SOWAHA: variants seen among roughly 807,000 people sequenced by gnomAD.
SOWAHA encodes ankyrin repeat domain-containing protein SOWAHA.
In SOWAHA, 17 loss-of-function variants were observed where a neutral mutation model predicts 21.1. That is an observed-to-expected ratio of 0.80 (90% CI 0.55 to 1.21). The LOEUF (loss-of-function observed/expected upper bound fraction) is 1.21, where lower values mean the gene tolerates loss of function less well. SOWAHA is among the 50% of genes most tolerant of loss of function. The probability of loss-of-function intolerance (pLI) is 0.00; values close to 1 mark genes in which losing one functional copy is unlikely to be tolerated. For missense variants in SOWAHA, 862 were observed against 816.0 expected, an observed-to-expected ratio of 1.06 and a Z score of -0.69; for synonymous variants, 422 against 397.1, an observed-to-expected ratio of 1.06 and a Z score of -0.75.
In SOWAHA at chr5:132,815,830, T is replaced by C. The variant is rs1273006805; in HGVS notation, c.*559T>C. 1 of 166,780 alleles carries C rather than the reference T, an allele frequency of 6.0e-6. No individual in the cohort carries two copies. Among genetic ancestry groups the C allele is most frequent in the East Asian group, 1.9e-4 (1 of 5,208 alleles). The allele number at this position is 166,780 out of a possible 1,614,324, so 10.3% of individuals were successfully genotyped here. A position where few individuals can be genotyped will look rare whatever the true frequency, so the allele number is the denominator to read the frequency against. ...TCAATTTTTTTTTTGCTAAATACTT[T>C]GGAATTCTATTTAAAAAATAGATGA... On this transcript the variant is annotated 3_prime_UTR_variant, in exon 1 of 1. Transcript: ENST00000378693.
rs202002110 is a variant in SOWAHA at position 132,815,121 on chromosome 5, C to T, written c.1500C>T (p.Ser500=). ...TGGCCCGAGGCTTGAAGAAGTCGAG[C>T]TCCTTCAGCAAGTTCTTGAGCGCCT... The part of the protein sequence containing the change: ...QDLARGLKKS[S]SFSKFLSASP... Residue 500 remains serine, a synonymous_variant, in exon 1 of 1, where the codon AGC becomes AGT. Transcript: ENST00000378693. The T allele has an allele frequency of 2.7e-5, 44 of 1,614,046 alleles. No homozygotes were observed. In the East Asian group the frequency reaches 9.1e-4, roughly 34 times the overall value.
rs371231981 is a variant in SOWAHA at position 132,814,728 on chromosome 5, G to T, written c.1107G>T (p.Ala369=). 720 of 1,514,614 alleles carry T rather than the reference G, an allele frequency of 4.8e-4. 1 individual carries two copies. In the Middle Eastern group the frequency reaches 5.4e-3, roughly 11 times the overall value. 93.8% of individuals were successfully genotyped at this position (1,514,614 alleles called of 1,614,324 possible). Residue 369 remains alanine, a synonymous_variant, in exon 1 of 1, where the codon GCG becomes GCT. Coordinates refer to ENST00000378693, the MANE Select transcript of SOWAHA (RefSeq NM_175873.6). ...TGGCGCTGCAGCTGGTGGAGGTCGC[G>T]CGGCGCAGTGGCGCACCAGTCGACG... ...GEMALQLVEV[A]RRSGAPVDVN...
Position 132,815,291 on chromosome 5 carries a change from C to G in SOWAHA, c.*20C>G. 6.3e-7 allele frequency: 1 copy of G among 1,592,576 alleles called. No homozygotes were observed. The highest frequency in any genetic ancestry group is 1.1e-5 in the South Asian group (1 of 88,452). On this transcript the variant is annotated 3_prime_UTR_variant, in exon 1 of 1. Coordinates refer to ENST00000378693, the MANE Select transcript of SOWAHA (RefSeq NM_175873.6). ...ACCTGAAGGTCCCTGGGGCTACCAC[C>G]TGGTTGATCTATCGTGGCCTGCTCG...
chr5:132,813,903 C>T lies in SOWAHA; in HGVS notation c.282C>T (p.Gly94=), dbSNP rs1298816063. 3 of 1,547,244 alleles carry T rather than the reference C, an allele frequency of 1.9e-6. No individual in the cohort carries two copies. Among genetic ancestry groups the T allele is most frequent in the Admixed American group, 2.0e-5 (1 of 50,878 alleles). Reference sequence around the variant, plus strand: ...CGGAGCCCGAGCCCGCACCCTTCGGCCCCCCGGGGGCAGCGGCCCAGCCGT... The same window carrying T: ...CGGAGCCCGAGCCCGCACCCTTCGGTCCCCCGGGGGCAGCGGCCCAGCCGT... The part of the protein sequence containing the change: ...RPPEPEPAPF[G]PPGAAAQPSK... Residue 94 remains glycine (G), a synonymous_variant, in exon 1 of 1, where the codon GGC becomes GGT. Coordinates refer to ENST00000378693, the MANE Select transcript of SOWAHA (RefSeq NM_175873.6).
chr5:132,814,807 G>C lies in SOWAHA; in HGVS notation c.1186G>C (p.Gly396Arg). Reference protein sequence around the residue: ...YTPLHLAALHGHEDAAVLLVV... With the variant: ...YTPLHLAALHRHEDAAVLLVV... ...GCCGCTGCACCTGGCTGCACTGCAC[G>C]GCCACGAGGACGCTGCCGTGCTGCT... is the stretch of plus-strand genomic sequence containing the variant. The change falls in exon 1 of 1, where the codon GGC becomes CGC. Residue 396 changes from glycine (G) to arginine (R), a missense_variant. By Grantham distance (125) the Gly-to-Arg change is moderately radical (BLOSUM62 -2). Coordinates refer to ENST00000378693, the MANE Select transcript of SOWAHA (RefSeq NM_175873.6). The C allele has an allele frequency of 6.6e-7, 1 of 1,524,154 alleles. No individual in the cohort carries two copies. The highest frequency in any genetic ancestry group is 8.8e-7 in the Non-Finnish European group (1 of 1,137,660). The allele number at this position is 1,524,154 out of a possible 1,614,324, so 94.4% of individuals were successfully genotyped here. A position where few individuals can be genotyped will look rare whatever the true frequency, so the allele number is the denominator to read the frequency against.
Position 132,813,892 on chromosome 5 carries a change from G to T in SOWAHA, c.271G>T (p.Ala91Ser). The change falls in exon 1 of 1, where the codon GCA (alanine) becomes TCA (serine). Residue 91 changes from alanine to serine, a missense_variant. By Grantham distance (99) the Ala-to-Ser change is moderately conservative. Transcript: ENST00000378693. ...GCCCCGGCCCCCGGAGCCCGAGCCC[G>T]CACCCTTCGGCCCCCCGGGGGCAGC... ...KKPRPPEPEP[A>S]PFGPPGAAAQ... is the part of the protein sequence containing the mutation. 5 of 1,547,498 alleles carry T rather than the reference G, an allele frequency of 3.2e-6. No individual in the cohort carries two copies. The highest frequency in any genetic ancestry group is 2.5e-5 in the East Asian group (1 of 40,686).
In SOWAHA at chr5:132,814,040, A is replaced by T; in HGVS notation, c.419A>T (p.Glu140Val). ...CCAGGGGACCTGGGTCTGCCAACAG[A>T]GCCACAGGACACCCCGGGGGGGCCG... Reference protein sequence around the residue: ...EPPGDLGLPTEPQDTPGGPAS... With the variant: ...EPPGDLGLPTVPQDTPGGPAS... The change falls in exon 1 of 1, where the codon GAG (glutamate) becomes GTG (valine). Residue 140 changes from glutamate (E) to valine (V), a missense_variant. By Grantham distance (121) the Glu-to-Val change is moderately radical. Transcript: ENST00000378693. 6.4e-7 allele frequency: 1 copy of T among 1,555,928 alleles called. No homozygotes were observed.
Position 132,813,533 on chromosome 5 carries a change from C to G in SOWAHA, c.-89C>G, listed in dbSNP as rs977214518. ...CCGCGGGGAAGGCACCAGGTGAGCG[C>G]GGCCGCGCCTCCCGGAACCCCGCTC... On this transcript the variant is annotated 5_prime_UTR_variant, in exon 1 of 1. Transcript: ENST00000378693. 9.6e-5 allele frequency: 88 copies of G among 912,584 alleles called. No homozygotes were observed. Among genetic ancestry groups the G allele is most frequent in the Non-Finnish European group, 1.2e-4 (87 of 738,368 alleles). The allele number at this position is 912,584 out of a possible 1,614,324, so 56.5% of individuals were successfully genotyped here.
rs1003273589 is a variant in SOWAHA, at chr5:132,813,416, C to A, written c.-206C>A. The stretch of plus-strand genomic sequence containing the variant: ...CGGCGGGGCGCTGGGGGTGGGCGCT[C>A]CCCGCGGCCCCCGGCGCCCTTCGCC... On this transcript the variant is annotated 5_prime_UTR_variant, in exon 1 of 1. Transcript: ENST00000378693. 5.3e-5 allele frequency among the ~76,000 whole-genome samples: 8 copies of A among 151,626 alleles called. No individual in the cohort carries two copies. The highest frequency in any genetic ancestry group is 1.9e-4 in the African/African-American group (8 of 41,356).
chr5:132,814,086 G>T lies in SOWAHA; in HGVS notation c.465G>T (p.Pro155=). The T allele has an allele frequency of 6.3e-7, 1 of 1,587,318 alleles. No individual in the cohort carries two copies. Among genetic ancestry groups the T allele is most frequent in the South Asian group, 1.1e-5 (1 of 88,466 alleles). The part of the protein sequence containing the change: ...PGGPASEPAQ[P]PGERSADPPL... ...GGCCGGCCTCCGAGCCCGCTCAGCCGCCCGGGGAGCGGTCCGCCGACCCAC... is the reference window on the plus strand; with the variant it reads ...GGCCGGCCTCCGAGCCCGCTCAGCCTCCCGGGGAGCGGTCCGCCGACCCAC... The change falls in exon 1 of 1, where the codon CCG becomes CCT. Residue 155 remains proline, a synonymous_variant. Coordinates refer to ENST00000378693, the MANE Select transcript of SOWAHA (RefSeq NM_175873.6).
At position 132,816,344 on chromosome 5, in the gene SOWAHA, G is replaced by C; in HGVS notation, c.*1073G>C. The C allele has an allele frequency of 6.0e-6, 1 of 167,192 alleles. No homozygotes were observed. The allele number at this position is 167,192 out of a possible 1,614,324, so 10.4% of individuals were successfully genotyped here. ...AGCAACTATTTTATATGACTGTTCT[G>C]TACAAACAAAAAGTATGTAATACCC... On this transcript the variant is annotated 3_prime_UTR_variant, in exon 1 of 1. Transcript: ENST00000378693.
chr5:132,814,864 C>CAG lies in SOWAHA; in HGVS notation c.1243_1244insAG (p.Arg415GlnfsTer83). On this transcript the variant is annotated frameshift_variant, in exon 1 of 1. Transcript: ENST00000378693. LOFTEE classifies it high-confidence loss of function. ...GCGTCTGGGTGCCCAGGTGCACGTG[C>CAG]GTGATCACAGCGGGCGTCGCGCCTA... 6.6e-7 allele frequency: 1 copy of CAG among 1,526,056 alleles called. No individual in the cohort carries two copies. Among genetic ancestry groups the CAG allele is most frequent in the Middle Eastern group, 1.8e-4 (1 of 5,522 alleles). The allele number at this position is 1,526,056 out of a possible 1,614,324, so 94.5% of individuals were successfully genotyped here.
chr5:132,814,967 C>A lies in SOWAHA; in HGVS notation c.1346C>A (p.Pro449Gln), dbSNP rs866802069. ...GDPGLRGTTE[P>Q]DATGGGSGSL... The stretch of plus-strand genomic sequence containing the variant: ...CCAGGCCTGCGAGGCACCACGGAGC[C>A]AGATGCGACCGGTGGTGGAAGTGGC... Residue 449 changes from proline to glutamine, a missense_variant, in exon 1 of 1, where the codon CCA becomes CAA. Pro to Gln is a moderately conservative substitution (Grantham distance 76, BLOSUM62 -1). Transcript: ENST00000378693. 6.3e-7 allele frequency: 1 copy of A among 1,585,978 alleles called. No homozygotes were observed. Among genetic ancestry groups the A allele is most frequent in the South Asian group, 1.1e-5 (1 of 87,564 alleles).
chr5:132,813,523 C>T lies in SOWAHA; in HGVS notation c.-99C>T, dbSNP rs1758324753. 1 of 799,358 alleles carries T rather than the reference C, an allele frequency of 1.3e-6. No individual in the cohort carries two copies. Among genetic ancestry groups the T allele is most frequent in the Admixed American group, 5.4e-5 (1 of 18,574 alleles). 49.5% of individuals were successfully genotyped at this position (799,358 alleles called of 1,614,324 possible). A position where few individuals can be genotyped will look rare whatever the true frequency, so the allele number is the denominator to read the frequency against. ...GCCCGGCTGGCCGCGGGGAAGGCACCAGGTGAGCGCGGCCGCGCCTCCCGG... is the reference window on the plus strand; with the variant it reads ...GCCCGGCTGGCCGCGGGGAAGGCACTAGGTGAGCGCGGCCGCGCCTCCCGG... On this transcript the variant is annotated 5_prime_UTR_variant, in exon 1 of 1. Transcript: ENST00000378693.
At position 132,815,842 on chromosome 5, in the gene SOWAHA, T is replaced by G. The variant is rs1000535965; in HGVS notation, c.*571T>G. On this transcript the variant is annotated 3_prime_UTR_variant, in exon 1 of 1. Coordinates refer to ENST00000378693, the MANE Select transcript of SOWAHA (RefSeq NM_175873.6). ...TTGCTAAATACTTTGGAATTCTATTTAAAAAATAGATGATCAAGATCTAAA... is the reference window on the plus strand; with the variant it reads ...TTGCTAAATACTTTGGAATTCTATTGAAAAAATAGATGATCAAGATCTAAA... 6.0e-6 allele frequency: 1 copy of G among 166,750 alleles called. No individual in the cohort carries two copies. Among genetic ancestry groups the G allele is most frequent in the African/African-American group, 2.4e-5 (1 of 41,446 alleles). 10.3% of individuals were successfully genotyped at this position (166,750 alleles called of 1,614,324 possible). A position where few individuals can be genotyped will look rare whatever the true frequency, so the allele number is the denominator to read the frequency against.
In SOWAHA at chr5:132,813,720, C is replaced by CGAGCTGCT. The variant is rs1561442310; in HGVS notation, c.104_111dup (p.Arg38CysfsTer2). 7 of 1,543,410 alleles carry CGAGCTGCT rather than the reference C, an allele frequency of 4.5e-6. No individual in the cohort carries two copies. Among genetic ancestry groups the CGAGCTGCT allele is most frequent in the Middle Eastern group, 3.8e-4 (2 of 5,204 alleles). On this transcript the variant is annotated frameshift_variant, in exon 1 of 1. Coordinates refer to ENST00000378693, the MANE Select transcript of SOWAHA (RefSeq NM_175873.6). LOFTEE classifies it low-confidence loss of function (END_TRUNC). ...AGCACGGCGGGAAGGTGCGCAACTCCGAGCTGCTGAGCCGCTTCAAGCCGC... is the reference window on the plus strand; with the variant it reads ...AGCACGGCGGGAAGGTGCGCAACTCCGAGCTGCTGAGCTGCTGAGCCGCTTCAAGCCGC...
Position 132,814,219 on chromosome 5 carries a change from G to A in SOWAHA, c.598G>A (p.Asp200Asn), listed in dbSNP as rs769319542. 5.1e-6 allele frequency: 8 copies of A among 1,572,064 alleles called. No homozygotes were observed. In the South Asian group the frequency reaches 6.9e-5, roughly 13 times the overall value. Residue 200 changes from aspartate to asparagine, a missense_variant, in exon 1 of 1, where the codon GAC becomes AAC. Transcript: ENST00000378693. ...EAASPCSDPP[D>N]AEPGPGAAKG... Reference sequence around the variant, plus strand: ...GGCATCGCCCTGCTCTGATCCGCCAGACGCGGAGCCCGGGCCCGGGGCAGC... The same window carrying A: ...GGCATCGCCCTGCTCTGATCCGCCAAACGCGGAGCCCGGGCCCGGGGCAGC...
At position 132,813,839 on chromosome 5, in the gene SOWAHA, G is replaced by A. The variant is rs1163132914; in HGVS notation, c.218G>A (p.Gly73Asp). 1 of 1,549,212 alleles carries A rather than the reference G, an allele frequency of 6.5e-7. No homozygotes were observed. Among genetic ancestry groups the A allele is most frequent in the Non-Finnish European group, 8.7e-7 (1 of 1,146,346 alleles). ...GTGGCGGTGGTGAAGGAGCTCGACG[G>A]CGTCAAGTTCGTGGTGCTGAGGAAG... ...NNVAVVKELD[G>D]VKFVVLRKKP... The change falls in exon 1 of 1, where the codon GGC becomes GAC. Residue 73 changes from glycine to aspartate, a missense_variant. Gly to Asp is a moderately conservative substitution (Grantham distance 94). Transcript: ENST00000378693.
At position 132,814,009 on chromosome 5, in the gene SOWAHA, G is replaced by T; in HGVS notation, c.388G>T (p.Glu130Ter). The T allele has an allele frequency of 6.5e-7, 1 of 1,543,556 alleles. No individual in the cohort carries two copies. The highest frequency in any genetic ancestry group is 2.4e-5 in the East Asian group (1 of 40,986). Residue 130 changes from glutamate (E) to a stop codon, truncating the protein, a stop_gained, in exon 1 of 1, where the codon GAG (glutamate) becomes TAG (stop). Coordinates refer to ENST00000378693, the MANE Select transcript of SOWAHA (RefSeq NM_175873.6). LOFTEE classifies it high-confidence loss of function. ...PPLVRVPRPVEPPGDLGLPTE... is the reference protein window; with the variant it reads ...PPLVRVPRPV ...CTTGGTCCGGGTGCCGCGGCCAGTG[G>T]AGCCGCCAGGGGACCTGGGTCTGCC... is the stretch of plus-strand genomic sequence containing the variant.
Sources: gnomAD v4.1 joint callset for allele counts (sites outside exome capture counted in the v4.1 genomes callset) on GRCh38, gnomAD v4.1.1 for gene constraint, MANE v1.5 for transcripts, NCBI Gene and HGNC (gene_info 2026-07-23, HGNC 2026-07-21) for gene names.